The following KIF24 variants were observed in gnomAD, a reference collection of about 807,000 sequenced individuals.
KIF24 encodes kinesin-like protein KIF24.
A neutral mutation model predicts 118.9 loss-of-function variants in KIF24; 81 were observed. The ratio of observed to expected loss-of-function variants is 0.68; its 90% CI spans 0.57 to 0.82. The LOEUF (loss-of-function observed/expected upper bound fraction) is 0.82, where lower values mean the gene tolerates loss of function less well. KIF24 is among the 40% of genes least tolerant of loss of function. The probability of loss-of-function intolerance (pLI) is 0.00; values close to 1 mark genes in which losing one functional copy is unlikely to be tolerated. For missense variants in KIF24, 1,560 were observed against 1,661.6 expected (o/e 0.94, Z 1.06); for synonymous variants, 599 against 610.0 (o/e 0.98, Z 0.27).
chr9:34,261,565 T>C (rs538198540), intron 9 of KIF24, among the ~76,000 whole-genome samples: 5 of 152,368 alleles, frequency 3.3e-5, no homozygotes, highest in African/African-American at 1.2e-4. Context: ...AAAGTGGTCA[T>C]ACAGTACATG....
At chr9:34,259,545 G>GACATGC in intron 10 of KIF24, 51 bp downstream of exon 10, 1 of 1,358,028 alleles carries the variant, frequency 7.4e-7, no homozygotes, top group Non-Finnish European at 1.1e-6. Context: ...GTGCTGCACA[G>GACATGC]ACATGCACAT....
chr9:34,308,441 G>T (rs753433554), intron 2 of KIF24, among the ~76,000 whole-genome samples: 1 of 151,880 alleles, frequency 6.6e-6, no homozygotes, highest in South Asian at 2.1e-4. Context: ...CTGCCATGAC[G>T]CTCTGCTAAT....
At chr9:34,255,331 C>T (rs1344636491) in intron 11 of KIF24, among the ~76,000 whole-genome samples, 166 bp from the exon 12 acceptor site, 2 of 152,136 alleles carry the variant, frequency 1.3e-5, no homozygotes, top group Non-Finnish European at 2.9e-5. Flanking sequence ...CCTGCTCTTT[C>T]TCAGGATTAG....
In KIF24 at chr9:34,280,237, T is replaced by A. The variant is rs536786480; in HGVS notation, c.1215+6380A>T. ...AGGCGGAGCTTGCAGTGAGCCAAGA[T>A]CCCGCCACTGCACTCCAACCTGGGC... On this transcript the variant is annotated intron_variant, in intron 6 of 12. Coordinates refer to ENST00000402558, the MANE Select transcript of KIF24 (RefSeq NM_194313.4). Among the ~76,000 whole-genome samples, 623 of 118,836 alleles carry A rather than the reference T, an allele frequency of 5.2e-3. 1 individual carries two copies. In the Middle Eastern group the frequency reaches 0.075, roughly 14 times the overall value. The allele number at this position is 118,836 out of a possible 152,430, so 78.0% of individuals were successfully genotyped here.
In KIF24 at chr9:34,303,516, G is replaced by A. The variant is rs547532072; in HGVS notation, c.813+2736C>T. 3.3e-5 allele frequency among the ~76,000 whole-genome samples: 5 copies of A among 152,272 alleles called. No homozygotes were observed. The South Asian group carries it at 1.0e-3, about 32-fold the overall frequency. ...CAGTATAAAGTACTGAAACTAACTT[G>A]TTAATGTCTTATGTAGGCTTTTGTA... is the stretch of plus-strand genomic sequence containing the variant. On this transcript the variant is annotated intron_variant, in intron 3 of 12. Coordinates refer to ENST00000402558, the MANE Select transcript of KIF24 (RefSeq NM_194313.4).
At chr9:34,286,475 C>T (rs1836055383) in intron 6 of KIF24, 142 bp downstream of exon 6, 5 of 589,594 alleles carry the variant, frequency 8.5e-6, no homozygotes, top group Admixed American at 5.8e-5. Flanking sequence ...AAAGAATTCA[C>T]ATTTTACAGA....
intron 10 of KIF24, among the ~76,000 whole-genome samples, chr9:34,258,312 T>TA (rs1834934610): frequency 6.6e-6 from 1 of 151,794 alleles, no homozygotes; most frequent in African/African-American, 2.4e-5. Context: ...CTACTAGAAA[T>TA]AAAAAAATTA....
chr9:34,302,430 A>T (rs1317250276), intron 3 of KIF24, among the ~76,000 whole-genome samples: 1 of 150,714 alleles, frequency 6.6e-6, no homozygotes, highest in Non-Finnish European at 1.5e-5. Flanking sequence ...CAGCCTCCCG[A>T]GTAGCTGAAA....
At chr9:34,307,398 G>GT (rs1006020475) in intron 2 of KIF24, among the ~76,000 whole-genome samples, 5 of 148,402 alleles carry the variant, frequency 3.4e-5, no homozygotes, top group African/African-American at 1.3e-4. Context: ...ATCTGAATTG[G>GT]TTTAAAAAAA....
chr9:34,309,153 C>G (rs1200784090), intron 2 of KIF24, among the ~76,000 whole-genome samples: 1 of 152,072 alleles, frequency 6.6e-6, no homozygotes, highest in Non-Finnish European at 1.5e-5. Flanking sequence ...ACTAAAATAT[C>G]CATCCTATCC....
chr9:34,318,509 C>A lies in KIF24; in HGVS notation c.-25-7138G>T. On this transcript the variant is annotated intron_variant, in intron 1 of 12. Transcript: ENST00000402558. The surrounding 1 kb of genome is among the most constrained non-coding windows in gnomAD (Gnocchi z 4.9). ...AGCAGCTCCTGGCACCGCAGAGAAG[C>A]TGAGCCCCAAGGCAGCCACGCTGGC... The A allele has an allele frequency of 1.1e-6, 1 of 885,168 alleles. No homozygotes were observed. The allele number at this position is 885,168 out of a possible 1,614,324, so 54.8% of individuals were successfully genotyped here.
intron 10 of KIF24, among the ~76,000 whole-genome samples, chr9:34,258,270 AC>A (rs1834933272): frequency 6.6e-6 from 1 of 152,098 alleles, no homozygotes; most frequent in Admixed American, 6.6e-5. Context: ...GGAATTCAAG[AC>A]CAACCTGGGC....
chr9:34,291,397 A>G (rs1446061968), intron 4 of KIF24, among the ~76,000 whole-genome samples: 4 of 152,150 alleles, frequency 2.6e-5, no homozygotes. Flanking sequence ...TAACCATATG[A>G]CCTTAGGCAA....
chr9:34,306,325 GTAA>G lies in KIF24; in HGVS notation c.737_739del (p.Ile246del), dbSNP rs745794077. ...AAGTAGAGTTTCTTTGTCTTCTACA[GTAA>G]TAATATTAATTTCTCCACGACGTAC... is the stretch of plus-strand genomic sequence containing the variant. On this transcript the variant is annotated inframe_deletion, in exon 3 of 13. Coordinates refer to ENST00000402558, the MANE Select transcript of KIF24 (RefSeq NM_194313.4). The G allele has an allele frequency of 1.2e-6, 2 of 1,609,746 alleles. No homozygotes were observed. Among genetic ancestry groups the G allele is most frequent in the South Asian group, 2.2e-5 (2 of 90,912 alleles).
Position 34,254,249 on chromosome 9 carries a change from G to T in KIF24, c.*131C>A. On this transcript the variant is annotated 3_prime_UTR_variant, in exon 13 of 13. Transcript: ENST00000402558. ...ATCTGAAGCCACGTGGGGCTGGGGT[G>T]ACGCTAGCATAGGCAGGACCAGCGT... The T allele has an allele frequency of 9.7e-7, 1 of 1,030,086 alleles. No individual in the cohort carries two copies. The highest frequency in any genetic ancestry group is 1.3e-6 in the Non-Finnish European group (1 of 746,032). 63.8% of individuals were successfully genotyped at this position (1,030,086 alleles called of 1,614,324 possible).
chr9:34,312,285 T>G (rs1837196049), intron 1 of KIF24, among the ~76,000 whole-genome samples: 1 of 152,214 alleles, frequency 6.6e-6, no homozygotes. Context: ...AATAGTTGTA[T>G]CTTTTAAAAA....
intron 10 of KIF24, 126 bp from the exon 11 acceptor site, chr9:34,258,107 G>T: frequency 1.4e-6 from 1 of 730,640 alleles, no homozygotes; most frequent in East Asian, 2.5e-5. Context: ...TTCTTTATCT[G>T]GGATAGAATA....
At chr9:34,327,838 TA>T (rs371382729) in intron 1 of KIF24, among the ~76,000 whole-genome samples, 9 of 123,030 alleles carry the variant, frequency 7.3e-5, no homozygotes, top group African/African-American at 2.6e-4. Flanking sequence ...TTTTCTCTAA[TA>T]AAAAAAAAAT....
upstream of KIF24, among the ~76,000 whole-genome samples, chr9:34,331,001 G>A (rs945034456): frequency 1.3e-5 from 2 of 152,272 alleles, no homozygotes; most frequent in East Asian, 3.8e-4. Context: ...ATAAGAACAG[G>A]CAAATACACT....
Sources: allele counts gnomAD v4.1 joint callset (sites outside exome capture counted in the v4.1 genomes callset), GRCh38; gene constraint gnomAD v4.1.1; non-coding constraint Gnocchi (gnomAD v3.1); transcripts MANE v1.5; gene names NCBI Gene and HGNC (gene_info 2026-07-23, HGNC 2026-07-21).